Variants in STK3 observed in about 807,000 individuals in gnomAD.
STK3 encodes the protein serine/threonine kinase 3.
STK3 carries 41 observed loss-of-function variants against 58.0 expected under a neutral mutation model. That is an observed-to-expected ratio of 0.71 (90% CI 0.55 to 0.92). The LOEUF is 0.92. Among genes scored for constraint, STK3 ranks in the 40% least tolerant of loss-of-function variants. The probability of loss-of-function intolerance (pLI) is 0.00; values close to 1 mark genes in which losing one functional copy is unlikely to be tolerated. For missense variants in STK3, 479 were observed against 602.7 expected (o/e 0.79, Z 2.15); for synonymous variants, 170 against 191.0 (o/e 0.89, Z 0.91).
intron 1 of STK3, among the ~76,000 whole-genome samples, chr8:98,906,053 A>G (rs1838886471): frequency 6.6e-6 from 1 of 152,186 alleles, no homozygotes; most frequent in Admixed American, 6.5e-5. Context: ...TCCACTTGTT[A>G]TAGTTCATTA....
At chr8:98,458,080 A>G (rs1343964017) in intron 10 of STK3, among the ~76,000 whole-genome samples, 1 of 151,558 alleles carries the variant, frequency 6.6e-6, no homozygotes, top group Non-Finnish European at 1.5e-5. Context: ...TTTAAGTGAT[A>G]AAACTTTGTC....
intron 3 of STK3, among the ~76,000 whole-genome samples, chr8:98,864,445 C>G (rs562706405): frequency 2.4e-4 from 36 of 152,258 alleles, no homozygotes; most frequent in African/African-American, 8.4e-4. Flanking sequence ...TCTTCTGGAT[C>G]TTTCATTTGG....
intron 6 of STK3, among the ~76,000 whole-genome samples, chr8:98,684,150 T>C (rs183873746): frequency 6.6e-6 from 1 of 152,172 alleles, no homozygotes; most frequent in South Asian, 2.1e-4. Flanking sequence ...AAAATAACTG[T>C]TTTTCATCAT....
chr8:98,347,438 C>T, the STK3 span, among the ~76,000 whole-genome samples: 23 of 151,612 alleles, frequency 1.5e-4, no homozygotes, highest in Non-Finnish European at 3.2e-4. Context: ...TGGCGTGAAC[C>T]CAGGAGGCAG....
intron 2 of STK3, among the ~76,000 whole-genome samples, chr8:98,373,111 A>G (rs762211594): frequency 5.3e-5 from 8 of 152,112 alleles, no homozygotes; most frequent in Non-Finnish European, 1.2e-4. Context: ...CCCAGCCTAT[A>G]TTGTGATTAT....
intron 10 of STK3, among the ~76,000 whole-genome samples, chr8:98,464,540 T>TAAAAAAAAAAAAAAAAAAAAAA: frequency 8.1e-4 from 56 of 69,182 alleles, no homozygotes; most frequent in East Asian, 1.4e-3. Flanking sequence ...TACTTAAAGT[T>TAAAAAAAAAAAAAAAAAAAAAA]AAAAAAAAAA....
intron 6 of STK3, among the ~76,000 whole-genome samples, chr8:98,662,910 T>G (rs1033230685): frequency 6.6e-6 from 1 of 151,950 alleles, no homozygotes; most frequent in South Asian, 2.1e-4. Flanking sequence ...ATGTTAGACC[T>G]AAAACCATAA....
intron 10 of STK3, among the ~76,000 whole-genome samples, chr8:98,465,181 A>G (rs1820370624): frequency 6.6e-6 from 1 of 152,176 alleles, no homozygotes; most frequent in African/African-American, 2.4e-5. Flanking sequence ...GGGGGCAGAT[A>G]TTACCAACCC....
At chr8:98,621,655 T>C (rs912519209) in intron 6 of STK3, among the ~76,000 whole-genome samples, 7 of 152,140 alleles carry the variant, frequency 4.6e-5, no homozygotes, top group African/African-American at 1.7e-4. Flanking sequence ...TTATGTGACT[T>C]TTCTTCTTTA....
chr8:98,712,396 G>A (rs866955124), intron 4 of STK3, among the ~76,000 whole-genome samples: 10 of 152,070 alleles, frequency 6.6e-5, no homozygotes, highest in Non-Finnish European at 1.2e-4. Flanking sequence ...CCCATCTCAC[G>A]AGCAGAGACA....
At chr8:98,595,872 G>T (rs1164093662) in intron 7 of STK3, 160 bp downstream of exon 7, 2 of 678,426 alleles carry the variant, frequency 2.9e-6, no homozygotes, top group African/African-American at 3.6e-5. Flanking sequence ...GGGAAATGAG[G>T]GGACGAGAGG....
intron 6 of STK3, among the ~76,000 whole-genome samples, chr8:98,596,708 CTTTAA>C (rs943019516): frequency 5.0e-4 from 76 of 152,002 alleles, no homozygotes; most frequent in African/African-American, 1.7e-3. Flanking sequence ...TAATATACTA[CTTTAA>C]TTTATTACTA....
At chr8:98,875,092 A>C (rs894012150) in intron 3 of STK3, among the ~76,000 whole-genome samples, 1 of 152,224 alleles carries the variant, frequency 6.6e-6, no homozygotes, top group Non-Finnish European at 1.5e-5. Context: ...CCCATATAGT[A>C]TCAATGGATA....
chr8:98,630,859 T>C (rs1175901607), intron 6 of STK3, among the ~76,000 whole-genome samples: 1 of 152,092 alleles, frequency 6.6e-6, no homozygotes, highest in Non-Finnish European at 1.5e-5. Flanking sequence ...ATTTTCTAGT[T>C]ATGAGAGATG....
intron 6 of STK3, among the ~76,000 whole-genome samples, chr8:98,705,122 C>T (rs758611215): frequency 3.3e-5 from 5 of 152,114 alleles, no homozygotes; most frequent in Non-Finnish European, 5.9e-5. Context: ...ATATTGTATA[C>T]AATTACATTA....
In STK3 at chr8:98,566,488, C is replaced by G. The variant is rs554463463; in HGVS notation, c.948+13176G>C. ...ATGCAGGATCCACACACAATAGACC[C>G]AAGTATCAATACTTGATGTGAAATA... On this transcript the variant is annotated intron_variant, in intron 8 of 10. Transcript: ENST00000419617. Among the ~76,000 whole-genome samples the G allele has an allele frequency of 2.0e-5, 3 of 152,162 alleles. No individual in the cohort carries two copies. The South Asian group carries it at 6.2e-4, about 32-fold the overall frequency.
intron 3 of STK3, among the ~76,000 whole-genome samples, chr8:98,871,713 C>T (rs536388495): frequency 3.9e-5 from 6 of 152,070 alleles, no homozygotes; most frequent in Admixed American, 2.0e-4. Flanking sequence ...ACTTTGCTGA[C>T]GTTGCTTATC....
At chr8:98,626,555 G>A (rs1038970978) in intron 6 of STK3, among the ~76,000 whole-genome samples, 2 of 152,126 alleles carry the variant, frequency 1.3e-5, no homozygotes, top group African/African-American at 4.8e-5. Context: ...ACAGAAAAAA[G>A]GCCCTGCTTT....
intron 3 of STK3, among the ~76,000 whole-genome samples, chr8:98,420,663 T>C (rs1818161630): frequency 6.6e-6 from 1 of 152,162 alleles, no homozygotes. Flanking sequence ...AGGGCAGATT[T>C]GGATACCACA....
Sources: allele counts gnomAD v4.1 joint callset (sites outside exome capture counted in the v4.1 genomes callset), GRCh38; gene constraint gnomAD v4.1.1; transcripts MANE v1.5; gene names NCBI Gene and HGNC (gene_info 2026-07-23, HGNC 2026-07-21).